Variants in RIMOC1 observed in about 807,000 individuals in gnomAD.
RIMOC1 encodes the protein RAB7A interacting MON1-CCZ1 complex subunit 1, also known as RAB7A-interacting MON1-CCZ1 complex subunit 1.
the RIMOC1 span, chr5:41,920,553 TATA>T: frequency 6.6e-6 from 1 of 152,158 alleles, no homozygotes. Flanking sequence ...GTAATAAATG[TATA>T]GAGAGTGTCA....
chr5:41,912,563 T>TA, the RIMOC1 span, among the ~76,000 whole-genome samples: 1 of 152,182 alleles, frequency 6.6e-6, no homozygotes, highest in African/African-American at 2.4e-5. Flanking sequence ...TCAGGAAACT[T>TA]ACAATCATGG....
the RIMOC1 span, chr5:41,907,623 T>C: frequency 4.9e-6 from 3 of 609,860 alleles, no homozygotes; most frequent in East Asian, 8.9e-5. Context: ...TGTTTCTCCA[T>C]ATGTCATAAT....
the RIMOC1 span, chr5:41,920,040 C>G: frequency 6.6e-6 from 1 of 152,100 alleles, no homozygotes. Context: ...CCCTCTATAC[C>G]AGTGGCTGAC....
chr5:41,916,197 G>A, the RIMOC1 span: 1 of 155,618 alleles, frequency 6.4e-6, no homozygotes, highest in East Asian at 1.9e-4. Context: ...TTAAGTAGGG[G>A]ATGCAAACTC....
chr5:41,911,858 T>C, the RIMOC1 span, among the ~76,000 whole-genome samples: 1 of 152,276 alleles, frequency 6.6e-6, no homozygotes, highest in Admixed American at 6.5e-5. Context: ...TTTAGTACTC[T>C]TTTTTACTAC....
At chr5:41,915,454 C>T in the RIMOC1 span, among the ~76,000 whole-genome samples, 2 of 152,138 alleles carry the variant, frequency 1.3e-5, no homozygotes, top group African/African-American at 4.8e-5. Context: ...AGTTTGAGAA[C>T]CACTATTTAT....
chr5:41,918,555 C>G, the RIMOC1 span: 2 of 985,380 alleles, frequency 2.0e-6, no homozygotes, highest in Non-Finnish European at 2.4e-6. Context: ...TCAGATTAAT[C>G]CTATTTATTA....
the RIMOC1 span, among the ~76,000 whole-genome samples, chr5:41,915,890 A>G: frequency 2.8e-4 from 43 of 152,338 alleles, no homozygotes; most frequent in Non-Finnish European, 4.4e-4. Context: ...ATAAGCAGAA[A>G]TTGAGGTGAA....
the RIMOC1 span, among the ~76,000 whole-genome samples, chr5:41,906,531 A>AC: frequency 6.6e-6 from 1 of 152,204 alleles, no homozygotes; most frequent in Non-Finnish European, 1.5e-5. Context: ...CTAAAGAAGC[A>AC]CCTAAGGCAT....
the RIMOC1 span, chr5:41,917,893 G>A: frequency 1.2e-6 from 1 of 811,168 alleles, no homozygotes; most frequent in Non-Finnish European, 1.5e-6. Flanking sequence ...CTTCCCTTAG[G>A]CATTTTATAA....
the RIMOC1 span, chr5:41,919,206 G>T: frequency 6.6e-6 from 1 of 152,072 alleles, no homozygotes; most frequent in Non-Finnish European, 1.5e-5. Flanking sequence ...GTTTCCAAAC[G>T]TCAAGTCCTC....
chr5:41,918,594 T>A, the RIMOC1 span: 2 of 985,418 alleles, frequency 2.0e-6, no homozygotes, highest in Non-Finnish European at 2.4e-6. Context: ...CTGAGTTCTT[T>A]GTGATGGGTA....
chr5:41,906,873 T>C, the RIMOC1 span, among the ~76,000 whole-genome samples: 2 of 152,218 alleles, frequency 1.3e-5, no homozygotes, highest in Non-Finnish European at 2.9e-5. Context: ...AAGGGATATA[T>C]TTTAGAATAT....
the RIMOC1 span, chr5:41,916,524 T>C: frequency 1.8e-5 from 16 of 901,216 alleles, no homozygotes; most frequent in African/African-American, 2.7e-4. Flanking sequence ...TTATGCATGA[T>C]AATTTCTTAG....
the RIMOC1 span, among the ~76,000 whole-genome samples, chr5:41,910,045 A>G: frequency 1.3e-5 from 2 of 152,162 alleles, no homozygotes; most frequent in African/African-American, 4.8e-5. Context: ...CTTCAGACCA[A>G]TGTTGCAACA....
At chr5:41,905,902 T>C in the RIMOC1 span, among the ~76,000 whole-genome samples, 1 of 152,216 alleles carries the variant, frequency 6.6e-6, no homozygotes, top group Non-Finnish European at 1.5e-5. Context: ...AAAATGACAA[T>C]GTTAGTGGTC....
chr5:41,916,460 A>T, the RIMOC1 span: 2 of 966,334 alleles, frequency 2.1e-6, no homozygotes, highest in Non-Finnish European at 2.5e-6. Flanking sequence ...AATACAAAGC[A>T]TCTTGGAAAT....
chr5:41,915,822 C>G, the RIMOC1 span, among the ~76,000 whole-genome samples: 2 of 152,176 alleles, frequency 1.3e-5, no homozygotes, highest in African/African-American at 4.8e-5. Context: ...CAGAGCCAAA[C>G]CATATCACCA....
At chr5:41,905,428 G>T in the RIMOC1 span, among the ~76,000 whole-genome samples, 1 of 152,096 alleles carries the variant, frequency 6.6e-6, no homozygotes, top group African/African-American at 2.4e-5. Flanking sequence ...ACACCATCTC[G>T]CCCGGCTAAC....
Sources: gnomAD v4.1 joint callset for allele counts (sites outside exome capture counted in the v4.1 genomes callset) on GRCh38, gnomAD v4.1.1 for gene constraint, MANE v1.5 for transcripts, NCBI Gene and HGNC (gene_info 2026-07-23, HGNC 2026-07-21) for gene names.